Variants in SDCBP2 observed in about 807,000 individuals in gnomAD.
The protein encoded by SDCBP2 is syntenin-2.
In SDCBP2, 28 loss-of-function variants were observed where a neutral mutation model predicts 30.7. That is an observed-to-expected ratio of 0.91 (90% CI 0.68 to 1.25). The LOEUF (loss-of-function observed/expected upper bound fraction) is 1.25. SDCBP2 is among the 50% of genes most tolerant of loss of function. The pLI is 0.00. For synonymous variants in SDCBP2, 166 were observed against 157.3 expected (o/e 1.06, Z -0.41); for missense variants, 399 against 379.0 (o/e 1.05, Z -0.44).
rs1041169180 is a variant in SDCBP2 at position 1,310,080 on chromosome 20, C to T, written c.*361G>A. The T allele has an allele frequency of 1.0e-5, 2 of 200,790 alleles. No individual in the cohort carries two copies. The highest frequency in any genetic ancestry group is 2.3e-5 in the African/African-American group (1 of 43,254). The allele number at this position is 200,790 out of a possible 1,614,324, so 12.4% of individuals were successfully genotyped here. A position where few individuals can be genotyped will look rare whatever the true frequency, so the allele number is the denominator to read the frequency against. Reference sequence around the variant, plus strand: ...GCAAGGAAAAAGCTCTCACAAAGAACGTAGCTCTGTTCTCTTAAAATGTGT... The same window carrying T: ...GCAAGGAAAAAGCTCTCACAAAGAATGTAGCTCTGTTCTCTTAAAATGTGT... On this transcript the variant is annotated 3_prime_UTR_variant, in exon 9 of 9. Coordinates refer to ENST00000360779, the MANE Select transcript of SDCBP2 (RefSeq NM_080489.5).
intron 4 of SDCBP2, among the ~76,000 whole-genome samples, chr20:1,314,696 CA>C (rs1406689140): frequency 6.6e-6 from 1 of 150,938 alleles, no homozygotes; most frequent in African/African-American, 2.4e-5. Flanking sequence ...AGTTCAAGAC[CA>C]GCCTGGGCAA....
At position 1,318,395 on chromosome 20, in the gene SDCBP2, G is replaced by A. The variant is rs772504596; in HGVS notation, c.148C>T (p.Leu50=). Residue 50 remains leucine, a synonymous_variant, in exon 4 of 9, where the codon CTG becomes TTG. Coordinates refer to ENST00000360779, the MANE Select transcript of SDCBP2 (RefSeq NM_080489.5). The part of the protein sequence containing the change: ...PPVLYPNLAE[L]ENYMGLSLSS... Reference sequence around the variant, plus strand: ...AGGGAAAGACCCATATAATTTTCCAGTTCTGCCAAGTTTGGGTACAAAACT... The same window carrying A: ...AGGGAAAGACCCATATAATTTTCCAATTCTGCCAAGTTTGGGTACAAAACT... The A allele has an allele frequency of 4.4e-6, 7 of 1,603,336 alleles. No homozygotes were observed. The highest frequency in any genetic ancestry group is 3.3e-4 in the Middle Eastern group (2 of 6,024).
chr20:1,314,100 A>G (rs563600518), intron 4 of SDCBP2, among the ~76,000 whole-genome samples: 1 of 152,350 alleles, frequency 6.6e-6, no homozygotes, highest in Non-Finnish European at 1.5e-5. Flanking sequence ...GACCAAATAA[A>G]AGAGTTTAGC....
In SDCBP2 at chr20:1,324,033, G is replaced by T. The variant is rs545893435; in HGVS notation, c.-19-3598C>A. 1.3e-5 allele frequency: 2 copies of T among 152,166 alleles called. No homozygotes were observed. Among genetic ancestry groups the T allele is most frequent in the East Asian group, 1.9e-4 (1 of 5,166 alleles). The allele number at this position is 152,166 out of a possible 1,614,324, so 9.4% of individuals were successfully genotyped here. ...TGTCCACTGTGTGCCAGACGTGCTGGTCCCTCTGCTGTGCACATCATCCTC... is the reference window on the plus strand; with the variant it reads ...TGTCCACTGTGTGCCAGACGTGCTGTTCCCTCTGCTGTGCACATCATCCTC... On this transcript the variant is annotated intron_variant, in intron 1 of 8. Coordinates refer to ENST00000360779, the MANE Select transcript of SDCBP2 (RefSeq NM_080489.5). The surrounding 1 kb of genome is among the most constrained non-coding windows in gnomAD (Gnocchi z 4.7).
At chr20:1,310,753 G>C (rs1377028112) in intron 8 of SDCBP2, 47 bp downstream of exon 8, 2 of 1,519,276 alleles carry the variant, frequency 1.3e-6, no homozygotes, top group South Asian at 2.3e-5. Context: ...AGGTGAAGGG[G>C]ATGGCAGAGG....
In SDCBP2 at chr20:1,313,245, C is replaced by T; in HGVS notation, c.384+95G>A. On this transcript the variant is annotated intron_variant, in intron 5 of 8. Coordinates refer to ENST00000360779, the MANE Select transcript of SDCBP2 (RefSeq NM_080489.5). This position sits in a 1 kb window ranked among gnomAD's most constrained non-coding sequence, Gnocchi z 5.2. Reference sequence around the variant, plus strand: ...TGGGGTTAGGAGGCCCGCTCTGCACCTTCCTTACTGTGGACGGGCCCTCTG... The same window carrying T: ...TGGGGTTAGGAGGCCCGCTCTGCACTTTCCTTACTGTGGACGGGCCCTCTG... 1 of 1,342,500 alleles carries T rather than the reference C, an allele frequency of 7.4e-7. No individual in the cohort carries two copies. The highest frequency in any genetic ancestry group is 1.0e-6 in the Non-Finnish European group (1 of 968,642). 83.2% of individuals were successfully genotyped at this position (1,342,500 alleles called of 1,614,324 possible).
At chr20:1,318,462 T>C (rs374144307) in intron 3 of SDCBP2, 44 bp from the exon 4 acceptor site, 24 of 1,272,118 alleles carry the variant, frequency 1.9e-5, no homozygotes, top group Non-Finnish European at 2.6e-5. Context: ...TTAGAGGACA[T>C]GTGCTTCCCT....
Position 1,313,800 on chromosome 20 carries a change from C to A in SDCBP2, c.226-302G>T. ...CATCAGGAAAAGCCTCCTTTAAAAC[C>A]CACTTAAAATAGAAAAAGTCACAGT... On this transcript the variant is annotated intron_variant, in intron 4 of 8. Transcript: ENST00000360779. The surrounding 1 kb of genome is among the most constrained non-coding windows in gnomAD (Gnocchi z 5.2). 3.8e-6 allele frequency: 1 copy of A among 262,372 alleles called. No homozygotes were observed. Among genetic ancestry groups the A allele is most frequent in the South Asian group, 1.4e-4 (1 of 7,074 alleles). The allele number at this position is 262,372 out of a possible 1,614,324, so 16.3% of individuals were successfully genotyped here. A position where few individuals can be genotyped will look rare whatever the true frequency, so the allele number is the denominator to read the frequency against.
Position 1,313,072 on chromosome 20 carries a change from T to C in SDCBP2, c.384+268A>G, listed in dbSNP as rs565868423. ...TCTACACCGTCGCCTGGAAGCTAGATGCCCTGGGCAGCGAAGGGCAGGTGG... is the reference window on the plus strand; with the variant it reads ...TCTACACCGTCGCCTGGAAGCTAGACGCCCTGGGCAGCGAAGGGCAGGTGG... On this transcript the variant is annotated intron_variant, in intron 5 of 8. Transcript: ENST00000360779. This position sits in a 1 kb window ranked among gnomAD's most constrained non-coding sequence, Gnocchi z 5.2. The C allele has an allele frequency of 1.8e-4, 103 of 588,502 alleles. 2 individuals are homozygous for C. In the African/African-American group the frequency reaches 1.8e-3, roughly 10 times the overall value. The allele number at this position is 588,502 out of a possible 1,614,324, so 36.5% of individuals were successfully genotyped here. A position where few individuals can be genotyped will look rare whatever the true frequency, so the allele number is the denominator to read the frequency against.
intron 7 of SDCBP2, 67 bp from the exon 8 acceptor site, chr20:1,310,958 C>A: frequency 8.5e-7 from 1 of 1,183,064 alleles, no homozygotes; most frequent in Non-Finnish European, 1.2e-6. Flanking sequence ...ACAGGCCCCT[C>A]TGTGGAGGGA....
rs11471529 is a variant in SDCBP2 at position 1,311,900 on chromosome 20, C to CTTTTTTTTTT, written c.732+427_732+436dup. Among the ~76,000 whole-genome samples, 13 of 121,106 alleles carry CTTTTTTTTTT rather than the reference C, an allele frequency of 1.1e-4. 1 individual carries two copies. Among genetic ancestry groups the CTTTTTTTTTT allele is most frequent in the African/African-American group, 3.7e-4 (11 of 29,354 alleles). The allele number at this position is 121,106 out of a possible 152,430, so 79.5% of individuals were successfully genotyped here. The stretch of plus-strand genomic sequence containing the variant: ...GTGCTCAGAGCTCTAGGTACACTGT[C>CTTTTTTTTTT]TTTTTTTTTTTTTTTTGGAGACAGG... On this transcript the variant is annotated intron_variant, in intron 7 of 8. Coordinates refer to ENST00000360779, the MANE Select transcript of SDCBP2 (RefSeq NM_080489.5).
intron 4 of SDCBP2, chr20:1,318,011 T>G (rs1444037595): frequency 2.4e-6 from 1 of 411,078 alleles, no homozygotes; most frequent in East Asian, 6.1e-5. Context: ...GCCCTGCTTT[T>G]GATGTCCCCA....
chr20:1,319,097 C>T (rs1363179940), intron 3 of SDCBP2, among the ~76,000 whole-genome samples: 1 of 152,230 alleles, frequency 6.6e-6, no homozygotes, highest in Non-Finnish European at 1.5e-5. Flanking sequence ...ACTTCTTCCC[C>T]ACCTGCCCCC....
intron 1 of SDCBP2, chr20:1,322,469 A>G (rs1016762477): frequency 1.3e-5 from 2 of 152,210 alleles, no homozygotes; most frequent in Non-Finnish European, 2.9e-5. Context: ...CTGGGCTTCC[A>G]CTTTTCTCCT....
chr20:1,312,528 G>C lies in SDCBP2; in HGVS notation c.561-20C>G, dbSNP rs2088692352. ...AACGGCCTGGCAGGAGGGACAGTGA[G>C]CTGTCCTGGGGACATGGCTGGGGTG... On this transcript the variant is annotated intron_variant, in intron 6 of 8. Coordinates refer to ENST00000360779, the MANE Select transcript of SDCBP2 (RefSeq NM_080489.5). 3 of 1,614,142 alleles carry C rather than the reference G, an allele frequency of 1.9e-6. No individual in the cohort carries two copies. The East Asian group carries it at 6.7e-5, about 36-fold the overall frequency.
chr20:1,328,679 A>G (rs2088968988), intron 1 of SDCBP2, among the ~76,000 whole-genome samples: 1 of 152,156 alleles, frequency 6.6e-6, no homozygotes, highest in Non-Finnish European at 1.5e-5. Flanking sequence ...GTTTTTTGAT[A>G]GAAACAGCCT....
chr20:1,315,547 A>G (rs2088764844), intron 4 of SDCBP2, among the ~76,000 whole-genome samples: 1 of 152,178 alleles, frequency 6.6e-6, no homozygotes, highest in African/African-American at 2.4e-5. Context: ...CAAACAAACA[A>G]AACAACAAAA....
rs2088839085 is a variant in SDCBP2 at position 1,320,609 on chromosome 20, C to T, written c.-19-174G>A. The T allele has an allele frequency of 1.8e-6, 1 of 555,296 alleles. No homozygotes were observed. The highest frequency in any genetic ancestry group is 3.2e-6 in the Non-Finnish European group (1 of 309,178). 34.4% of individuals were successfully genotyped at this position (555,296 alleles called of 1,614,324 possible). A position where few individuals can be genotyped will look rare whatever the true frequency, so the allele number is the denominator to read the frequency against. ...CCCTAATCCCCTGTCGATATTTGAA[C>T]TCTACTGTATTCCACTCATCTCCAG... is the stretch of plus-strand genomic sequence containing the variant. On this transcript the variant is annotated intron_variant, in intron 1 of 8. Coordinates refer to ENST00000360779, the MANE Select transcript of SDCBP2 (RefSeq NM_080489.5). The surrounding 1 kb of genome is among the most constrained non-coding windows in gnomAD (Gnocchi z 4.7).
chr20:1,322,468 C>T (rs2088861903), intron 1 of SDCBP2: 1 of 152,204 alleles, frequency 6.6e-6, no homozygotes, highest in Non-Finnish European at 1.5e-5. Context: ...CCTGGGCTTC[C>T]ACTTTTCTCC....
Sources: allele counts gnomAD v4.1 joint callset (sites outside exome capture counted in the v4.1 genomes callset), GRCh38; gene constraint gnomAD v4.1.1; non-coding constraint Gnocchi (gnomAD v3.1); transcripts MANE v1.5; gene names NCBI Gene and HGNC (gene_info 2026-07-23, HGNC 2026-07-21).